Variants in AUTS2 observed in about 807,000 individuals in gnomAD.
The protein encoded by AUTS2 is autism susceptibility gene 2 protein.
AUTS2 carries 17 observed loss-of-function variants against 112.4 expected under a neutral mutation model. The ratio of observed to expected loss-of-function variants is 0.15; its 90% CI spans 0.10 to 0.23. The LOEUF is 0.23. Among genes scored for constraint, AUTS2 ranks in the 10% least tolerant of loss-of-function variants. The pLI is 1.00. For missense variants in AUTS2, 1,510 were observed against 1,701.6 expected (o/e 0.89, Z 1.98); for synonymous variants, 751 against 702.7 (o/e 1.07, Z -1.09).
chr7:69,792,365 G>A (rs1339054193), intron 1 of AUTS2, among the ~76,000 whole-genome samples: 6 of 151,498 alleles, frequency 4.0e-5, no homozygotes, highest in African/African-American at 1.2e-4. Flanking sequence ...TCAGCCTCCC[G>A]AGTAGCTGGG....
At chr7:69,792,675 C>T (rs573034706) in intron 1 of AUTS2, among the ~76,000 whole-genome samples, 2 of 151,962 alleles carry the variant, frequency 1.3e-5, no homozygotes, top group Non-Finnish European at 2.9e-5. Flanking sequence ...CCTTTTTTTC[C>T]AAAGCTTTCC....
chr7:70,668,619 C>G (rs1030036826), intron 5 of AUTS2, among the ~76,000 whole-genome samples: 3 of 152,218 alleles, frequency 2.0e-5, no homozygotes, highest in African/African-American at 7.2e-5. Context: ...GCATGTTCTG[C>G]TAAAACAGAC....
At chr7:69,720,341 A>G (rs1798859060) in intron 1 of AUTS2, among the ~76,000 whole-genome samples, 1 of 152,198 alleles carries the variant, frequency 6.6e-6, no homozygotes, top group South Asian at 2.1e-4. Context: ...GTGGTTAAAT[A>G]TAATATTCTC....
At chr7:70,311,803 G>A (rs983039269) in intron 4 of AUTS2, among the ~76,000 whole-genome samples, 2 of 152,062 alleles carry the variant, frequency 1.3e-5, no homozygotes, top group Admixed American at 1.3e-4. Flanking sequence ...TGCAAGCTCC[G>A]CCTCCCGGGT....
chr7:69,773,334 C>G (rs534975927), intron 1 of AUTS2, among the ~76,000 whole-genome samples: 1 of 151,982 alleles, frequency 6.6e-6, no homozygotes, highest in South Asian at 2.1e-4. Flanking sequence ...GCCTGGCCAA[C>G]GTGGCGAAAC....
intron 1 of AUTS2, among the ~76,000 whole-genome samples, chr7:69,666,959 C>T (rs1388373852): frequency 1.3e-5 from 2 of 152,044 alleles, no homozygotes; most frequent in Non-Finnish European, 2.9e-5. Context: ...AAGTACCTAG[C>T]TCAGTCCATT....
intron 4 of AUTS2, among the ~76,000 whole-genome samples, chr7:70,280,563 T>C (rs1788168123): frequency 6.6e-6 from 1 of 151,798 alleles, no homozygotes; most frequent in African/African-American, 2.4e-5. Flanking sequence ...CGTAAAGTGC[T>C]GGGATTACAG....
chr7:69,837,096 C>T (rs912621523), intron 1 of AUTS2, among the ~76,000 whole-genome samples: 1 of 152,032 alleles, frequency 6.6e-6, no homozygotes, highest in African/African-American at 2.4e-5. Flanking sequence ...TAGCTCCTGG[C>T]CTGGGATGAT....
At chr7:70,301,733 T>C (rs1241227150) in intron 4 of AUTS2, among the ~76,000 whole-genome samples, 1 of 151,518 alleles carries the variant, frequency 6.6e-6, no homozygotes, top group Non-Finnish European at 1.5e-5. Flanking sequence ...TTAAAAAAAA[T>C]GCCATACTAA....
At chr7:69,728,737 G>A (rs1055397188) in intron 1 of AUTS2, among the ~76,000 whole-genome samples, 1 of 145,950 alleles carries the variant, frequency 6.9e-6, no homozygotes, top group African/African-American at 2.5e-5. Flanking sequence ...AAGAGAGGTT[G>A]GAACTAGTCA....
At chr7:70,368,226 G>A (rs1022548662) in intron 4 of AUTS2, among the ~76,000 whole-genome samples, 6 of 152,134 alleles carry the variant, frequency 3.9e-5, no homozygotes, top group Non-Finnish European at 5.9e-5. Context: ...AGGATTTAAT[G>A]AAATTATGAC....
chr7:69,798,142 T>C (rs1789928763), intron 1 of AUTS2, among the ~76,000 whole-genome samples: 2 of 152,202 alleles, frequency 1.3e-5, no homozygotes, highest in Non-Finnish European at 1.5e-5. Flanking sequence ...TTGATCTATT[T>C]CGAGCTTGTG....
chr7:70,766,308 A>T lies in AUTS2; in HGVS notation c.1663A>T (p.Ile555Phe). ...PFPHAIPPTA[I>F]MPTPAPPMFD... ...CCCCCACGCCATCCCACCCACCGCC[A>T]TCATGCCGACGCCAGCACCTCCCAT... Residue 555 changes from isoleucine (I) to phenylalanine (F), a missense_variant, in exon 9 of 19, where the codon ATC (isoleucine) becomes TTC (phenylalanine). Ile to Phe is a conservative substitution (Grantham distance 21). Transcript: ENST00000342771. The surrounding 1 kb of genome is among the most constrained non-coding windows in gnomAD (Gnocchi z 4.8). 1 of 1,614,016 alleles carries T rather than the reference A, an allele frequency of 6.2e-7. No individual in the cohort carries two copies. Among genetic ancestry groups the T allele is most frequent in the Non-Finnish European group, 8.5e-7 (1 of 1,179,994 alleles).
chr7:70,658,073 C>T (rs1806868469), intron 5 of AUTS2, among the ~76,000 whole-genome samples: 1 of 152,238 alleles, frequency 6.6e-6, no homozygotes, highest in African/African-American at 2.4e-5. Flanking sequence ...ATTTTGGCTT[C>T]TGCCAAAGCA....
chr7:70,639,616 C>CAA (rs5884790), intron 5 of AUTS2, among the ~76,000 whole-genome samples: 844 of 75,036 alleles, frequency 0.011, 39 homozygotes, highest in East Asian at 0.015. Flanking sequence ...GACCCTGTCT[C>CAA]AAAAAAAAAA....
At chr7:69,863,786 A>C (rs1793096606) in intron 1 of AUTS2, among the ~76,000 whole-genome samples, 1 of 152,168 alleles carries the variant, frequency 6.6e-6, no homozygotes, top group Admixed American at 6.5e-5. Flanking sequence ...GTGCCCCTCC[A>C]CACCTGAGTA....
intron 5 of AUTS2, among the ~76,000 whole-genome samples, chr7:70,665,435 T>TTATTTATCTATTTATC (rs58039744): frequency 3.8e-5 from 5 of 131,402 alleles, no homozygotes; most frequent in South Asian, 2.4e-4. Flanking sequence ...AGCTGTTTAT[T>TTATTTATCTATTTATC]TATTTATCTA....
At chr7:70,579,283 A>T (rs2129526885) in intron 5 of AUTS2, among the ~76,000 whole-genome samples, 1 of 146,380 alleles carries the variant, frequency 6.8e-6, no homozygotes, top group African/African-American at 2.5e-5. Context: ...GGAACATTTT[A>T]GAAAAATCAA....
intron 2 of AUTS2, among the ~76,000 whole-genome samples, chr7:69,961,961 A>G (rs1797448516): frequency 6.6e-6 from 1 of 152,058 alleles, no homozygotes; most frequent in South Asian, 2.1e-4. Context: ...ATTGAACACT[A>G]TTTTCTATCC....
Sources: allele counts gnomAD v4.1 joint callset (sites outside exome capture counted in the v4.1 genomes callset), GRCh38; gene constraint gnomAD v4.1.1; non-coding constraint Gnocchi (gnomAD v3.1); transcripts MANE v1.5; gene names NCBI Gene and HGNC (gene_info 2026-07-23, HGNC 2026-07-21).